Variants in GRTP1 observed in about 807,000 individuals in gnomAD.
The protein encoded by GRTP1 is growth hormone-regulated TBC protein 1.
In GRTP1, 56 loss-of-function variants were observed where a neutral mutation model predicts 38.1. That is an observed-to-expected ratio of 1.47 (90% CI 1.19 to 1.84). GRTP1 has a LOEUF of 1.84. GRTP1 is among the 40% of genes most tolerant of loss of function. The pLI, the probability that GRTP1 is intolerant of heterozygous loss-of-function variation, is 0.00. For missense variants in GRTP1, 506 were observed against 453.9 expected, an observed-to-expected ratio of 1.11 and a Z score of -1.04; for synonymous variants, 217 against 189.5, an observed-to-expected ratio of 1.14 and a Z score of -1.19.
intron 2 of GRTP1, among the ~76,000 whole-genome samples, chr13:113,358,588 A>G (rs1009491954): frequency 1.3e-5 from 2 of 152,240 alleles, no homozygotes; most frequent in African/African-American, 2.4e-5. Flanking sequence ...TAAGACAGAC[A>G]ACGTGGTACT....
intron 3 of GRTP1, among the ~76,000 whole-genome samples, chr13:113,352,907 C>T (rs1667423167): frequency 1.3e-5 from 2 of 152,178 alleles, no homozygotes; most frequent in South Asian, 4.1e-4. Context: ...GAGCCCACAG[C>T]TGAAAGCAGG....
intron 3 of GRTP1, among the ~76,000 whole-genome samples, chr13:113,352,360 TTA>T (rs143437113): frequency 0.14 from 7,172 of 50,190 alleles, 817 homozygotes; most frequent in African/African-American, 0.3. Context: ...TATATATATT[TTA>T]TATATATATA....
chr13:113,347,500 C>A (rs962140028), intron 4 of GRTP1, among the ~76,000 whole-genome samples: 11 of 50,620 alleles, frequency 2.2e-4, no homozygotes, highest in Non-Finnish European at 3.3e-4. Context: ...ACCTCTGTGG[C>A]CGAGAGCGGA....
At chr13:113,335,787 C>T (rs1222758251) in intron 5 of GRTP1, among the ~76,000 whole-genome samples, 1 of 151,098 alleles carries the variant, frequency 6.6e-6, no homozygotes, top group Admixed American at 6.6e-5. Context: ...GCTGAAATGA[C>T]GGGATTTTTT....
Position 113,343,388 on chromosome 13 carries a change from G to A in GRTP1, c.562+1475C>T, listed in dbSNP as rs1304087330. On this transcript the variant is annotated intron_variant, in intron 5 of 7. Coordinates refer to ENST00000375431, the MANE Select transcript of GRTP1 (RefSeq NM_024719.4). This position sits in a 1 kb window ranked among gnomAD's most constrained non-coding sequence, Gnocchi z 4.8. Reference sequence around the variant, plus strand: ...GGGTCAACAGCTCTTCCCACTCCCGGGAGCTCTGTGGGGTTCCCTTCCTCT... The same window carrying A: ...GGGTCAACAGCTCTTCCCACTCCCGAGAGCTCTGTGGGGTTCCCTTCCTCT... 6.6e-6 allele frequency among the ~76,000 whole-genome samples: 1 copy of A among 152,164 alleles called. No homozygotes were observed. Among genetic ancestry groups the A allele is most frequent in the Non-Finnish European group, 1.5e-5 (1 of 68,024 alleles).
In GRTP1 at chr13:113,324,290, T is replaced by G. The variant is rs2042727367; in HGVS notation, c.*198A>C. On this transcript the variant is annotated 3_prime_UTR_variant, in exon 8 of 8. Coordinates refer to ENST00000375431, the MANE Select transcript of GRTP1 (RefSeq NM_024719.4). Reference sequence around the variant, plus strand: ...GTAAAAATAAGTTTTCTTTAAAAAGTATGACTTCATAGCTAATCATCAAAA... The same window carrying G: ...GTAAAAATAAGTTTTCTTTAAAAAGGATGACTTCATAGCTAATCATCAAAA... 1.4e-6 allele frequency: 1 copy of G among 698,668 alleles called. No individual in the cohort carries two copies. The highest frequency in any genetic ancestry group is 2.1e-6 in the Non-Finnish European group (1 of 487,090). 43.3% of individuals were successfully genotyped at this position (698,668 alleles called of 1,614,324 possible).
In GRTP1 at chr13:113,324,433, C is replaced by T; in HGVS notation, c.*55G>A. ...GCAGTGAAAGTTGGTCCAGTGTCAA[C>T]TCTGGAAAGGGGCATCGTCAGTGTA... On this transcript the variant is annotated 3_prime_UTR_variant, in exon 8 of 8. Coordinates refer to ENST00000375431, the MANE Select transcript of GRTP1 (RefSeq NM_024719.4). 6.7e-7 allele frequency: 1 copy of T among 1,489,702 alleles called. No individual in the cohort carries two copies. The highest frequency in any genetic ancestry group is 9.0e-7 in the Non-Finnish European group (1 of 1,115,732). The allele number at this position is 1,489,702 out of a possible 1,614,324, so 92.3% of individuals were successfully genotyped here.
intron 5 of GRTP1, among the ~76,000 whole-genome samples, chr13:113,336,506 C>A (rs529785328): frequency 6.6e-6 from 1 of 152,196 alleles, no homozygotes; most frequent in East Asian, 1.9e-4. Context: ...CCTGCAGACA[C>A]CATCGCTGGG....
chr13:113,330,481 T>G (rs2042847447), intron 5 of GRTP1, among the ~76,000 whole-genome samples: 1 of 119,048 alleles, frequency 8.4e-6, no homozygotes, highest in Non-Finnish European at 1.8e-5. Flanking sequence ...CCCAGGTGTG[T>G]GCATGGGAGC....
chr13:113,347,786 A>G (rs1234565257), intron 4 of GRTP1, among the ~76,000 whole-genome samples: 1 of 146,112 alleles, frequency 6.8e-6, no homozygotes, highest in Non-Finnish European at 1.5e-5. Context: ...ACCCGGGAGG[A>G]CCTCTGTGGC....
chr13:113,364,010 C>A lies in GRTP1; in HGVS notation c.32+10G>T, dbSNP rs1345675653. 2.1e-6 allele frequency: 3 copies of A among 1,446,742 alleles called. No homozygotes were observed. Among genetic ancestry groups the A allele is most frequent in the Non-Finnish European group, 2.7e-6 (3 of 1,104,392 alleles). 89.6% of individuals were successfully genotyped at this position (1,446,742 alleles called of 1,614,324 possible). On this transcript the variant is annotated intron_variant, in intron 1 of 7. Coordinates refer to ENST00000375431, the MANE Select transcript of GRTP1 (RefSeq NM_024719.4). ...AGCCGCCGGGGACGCCCGCACCCCG[C>A]GCCACACACCTGGGGACCCGCGAGC...
intron 5 of GRTP1, among the ~76,000 whole-genome samples, chr13:113,330,890 C>A (rs71446955): frequency 0.029 from 22 of 746 alleles, 10 homozygotes; most frequent in East Asian, 0.11. Context: ...TGCATGGAAA[C>A]CCGGGTGTGT....
chr13:113,329,989 G>C (rs1359512823), intron 5 of GRTP1, among the ~76,000 whole-genome samples: 1 of 151,394 alleles, frequency 6.6e-6, no homozygotes, highest in South Asian at 2.1e-4. Context: ...GTGTGCATGG[G>C]AGCCCGGGTG....
At position 113,332,244 on chromosome 13, in the gene GRTP1, C is replaced by A. The variant is rs181346284; in HGVS notation, c.563-6153G>T. Among the ~76,000 whole-genome samples, 865 of 150,766 alleles carry A rather than the reference C, an allele frequency of 5.7e-3. 7 individuals carry two copies. The highest frequency in any genetic ancestry group is 0.021 in the African/African-American group (830 of 40,380). ...TCTGCACGCACACCACACACAGGTA[C>A]ACACGTGCACACGCACACCACACAC... On this transcript the variant is annotated intron_variant, in intron 5 of 7. Transcript: ENST00000375431.
chr13:113,331,973 A>T (rs1411740665), intron 5 of GRTP1, among the ~76,000 whole-genome samples: 1 of 151,362 alleles, frequency 6.6e-6, no homozygotes, highest in African/African-American at 2.4e-5. Context: ...TTACATTTAA[A>T]AAAAGGTATT....
Position 113,342,134 on chromosome 13 carries a change from G to A in GRTP1, c.562+2729C>T, listed in dbSNP as rs1302011466. The stretch of plus-strand genomic sequence containing the variant: ...ATTTTTGTATTTTTAGTGGAGGTGG[G>A]GTTTTGCCATGTTGGCCAGGCTGGT... On this transcript the variant is annotated intron_variant, in intron 5 of 7. Transcript: ENST00000375431. This position sits in a 1 kb window ranked among gnomAD's most constrained non-coding sequence, Gnocchi z 4.5. Among the ~76,000 whole-genome samples, 1 of 152,050 alleles carries A rather than the reference G, an allele frequency of 6.6e-6. No individual in the cohort carries two copies. The highest frequency in any genetic ancestry group is 1.5e-5 in the Non-Finnish European group (1 of 68,016).
intron 2 of GRTP1, chr13:113,359,817 A>C (rs1299726429): frequency 6.6e-6 from 1 of 152,198 alleles, no homozygotes; most frequent in African/African-American, 2.4e-5. Flanking sequence ...CGACTTTTTG[A>C]TAAGTTTGTT....
Position 113,363,759 on chromosome 13 carries a change from C to G in GRTP1, c.181+3G>C. 1 of 1,607,334 alleles carries G rather than the reference C, an allele frequency of 6.2e-7. No homozygotes were observed. Among genetic ancestry groups the G allele is most frequent in the Non-Finnish European group, 8.5e-7 (1 of 1,177,786 alleles). ...GGGACCCACCTGCGCCCCCGGGACCCACCTGTCCGGCTCCTGGGGACGCCC... is the reference window on the plus strand; with the variant it reads ...GGGACCCACCTGCGCCCCCGGGACCGACCTGTCCGGCTCCTGGGGACGCCC... On this transcript the variant is annotated splice_donor_region_variant and intron_variant, in intron 2 of 7. Transcript: ENST00000375431.
At chr13:113,335,774 G>C (rs1361242696) in intron 5 of GRTP1, among the ~76,000 whole-genome samples, 2 of 3,058 alleles carry the variant, frequency 6.5e-4, no homozygotes, top group African/African-American at 2.2e-3. Context: ...TTCCCTCCAT[G>C]CTGCTGAAAT....
Sources: gnomAD v4.1 joint callset for allele counts (sites outside exome capture counted in the v4.1 genomes callset) on GRCh38, gnomAD v4.1.1 for gene constraint, Gnocchi (gnomAD v3.1) non-coding constraint, MANE v1.5 for transcripts, NCBI Gene and HGNC (gene_info 2026-07-23, HGNC 2026-07-21) for gene names.